The following ALDH18A1 variants were observed in gnomAD, a reference collection of about 807,000 sequenced individuals.
ALDH18A1 encodes delta-1-pyrroline-5-carboxylate synthase.
In ALDH18A1, 44 loss-of-function variants were observed where a neutral mutation model predicts 88.8. The observed-to-expected ratio is 0.50, with a 90% confidence interval of 0.39 to 0.64. The LOEUF is 0.64. Ranked by LOEUF, ALDH18A1 falls within the 30% of genes least tolerant of loss-of-function variation. ALDH18A1 has a pLI of 0.00. For synonymous variants in ALDH18A1, 331 were observed against 372.1 expected (o/e 0.89, Z 1.27); for missense variants, 782 against 1,009.5 (o/e 0.77, Z 3.05).
intron 5 of ALDH18A1, among the ~76,000 whole-genome samples, chr10:95,635,177 G>C (rs753870435): frequency 5.9e-5 from 9 of 152,128 alleles, no homozygotes; most frequent in African/African-American, 2.2e-4. Context: ...TTTTTGAAAG[G>C]GAAGATCATG....
At chr10:95,634,706 T>C (rs536306011) in intron 5 of ALDH18A1, among the ~76,000 whole-genome samples, 17 of 152,326 alleles carry the variant, frequency 1.1e-4, no homozygotes, top group African/African-American at 2.9e-4. Flanking sequence ...GGAGAGCTGG[T>C]GTGTGGGCTG....
chr10:95,644,133 A>T (rs925564944), intron 2 of ALDH18A1, among the ~76,000 whole-genome samples: 1 of 152,088 alleles, frequency 6.6e-6, no homozygotes, highest in African/African-American at 2.4e-5. Flanking sequence ...ACAGAGCAAG[A>T]CTCCTTCTCA....
At chr10:95,628,834 G>A in intron 7 of ALDH18A1, 1 of 341,846 alleles carries the variant, frequency 2.9e-6, no homozygotes, top group Non-Finnish European at 5.6e-6. Flanking sequence ...GTGCTTTAAG[G>A]ACAGAACTGA....
chr10:95,613,861 T>C lies in ALDH18A1; in HGVS notation c.1804A>G (p.Arg602Gly). ...GCTGGATATTCACATTTAGAGTCTC[T>C]GACTGAAAGAAGATGAGCAAAGAAT... ...ASVDKVTRLV[R>G]DSKCEYPAAC... The change falls in exon 15 of 18, where the codon AGA becomes GGA. Residue 602 changes from arginine to glycine, a missense_variant and splice_region_variant. By Grantham distance (125) the Arg-to-Gly change is moderately radical (BLOSUM62 -2). Around this residue, in one of 3 missense-constraint regions of ALDH18A1, gnomAD observed 556 missense variants for 654.5 expected, o/e 0.85. Coordinates refer to ENST00000371224, the MANE Select transcript of ALDH18A1 (RefSeq NM_002860.4). 6.2e-7 allele frequency: 1 copy of C among 1,614,170 alleles called. No individual in the cohort carries two copies. Among genetic ancestry groups the C allele is most frequent in the Non-Finnish European group, 8.5e-7 (1 of 1,180,018 alleles).
chr10:95,618,069 G>A (rs2097846810), intron 12 of ALDH18A1, among the ~76,000 whole-genome samples: 1 of 152,126 alleles, frequency 6.6e-6, no homozygotes, highest in Admixed American at 6.6e-5. Flanking sequence ...TAGTAAAGAG[G>A]TGCTAGTTTT....
chr10:95,654,960 T>C (rs74150979), intron 1 of ALDH18A1, among the ~76,000 whole-genome samples: 1,676 of 152,078 alleles, frequency 0.011, 30 homozygotes, highest in African/African-American at 0.039. Context: ...TATAATTCTA[T>C]AGGTTAGCTT....
At chr10:95,611,834 G>A (rs1267234038) in intron 15 of ALDH18A1, among the ~76,000 whole-genome samples, 2 of 152,086 alleles carry the variant, frequency 1.3e-5, no homozygotes, top group African/African-American at 2.4e-5. Flanking sequence ...GGGCATGGTG[G>A]CAGGTGCCTG....
chr10:95,650,360 T>C (rs1415094757), intron 2 of ALDH18A1, among the ~76,000 whole-genome samples: 1 of 152,164 alleles, frequency 6.6e-6, no homozygotes, highest in Non-Finnish European at 1.5e-5. Context: ...GGAAGTGCTA[T>C]GGTTTGGATA....
At chr10:95,633,375 A>C in intron 6 of ALDH18A1, 116 bp downstream of exon 6, 1 of 1,335,384 alleles carries the variant, frequency 7.5e-7, no homozygotes, top group Non-Finnish European at 1.0e-6. Context: ...CTCCATGACA[A>C]GTTTCTCTCA....
Position 95,611,342 on chromosome 10 carries a change from A to G in ALDH18A1, c.2024T>C (p.Ile675Thr), listed in dbSNP as rs989031241. 6 of 1,614,230 alleles carry G rather than the reference A, an allele frequency of 3.7e-6. No individual in the cohort carries two copies. The highest frequency in any genetic ancestry group is 1.7e-5 in the Admixed American group (1 of 60,026). The change falls in exon 16 of 18, where the codon ATT becomes ACT. Residue 675 changes from isoleucine (I) to threonine (T), a missense_variant. Physicochemically the swap from Ile to Thr is moderately conservative, Grantham distance 89. This residue lies in a region of ALDH18A1 where 556 missense variants were observed against 654.5 expected (regional missense o/e 0.85). Coordinates refer to ENST00000371224, the MANE Select transcript of ALDH18A1 (RefSeq NM_002860.4). ...ATCCTGAACGTTGTCCACTACTTCAATGCATAATTCCAGGTCCCCATACTC... is the reference window on the plus strand; with the variant it reads ...ATCCTGAACGTTGTCCACTACTTCAGTGCATAATTCCAGGTCCCCATACTC... The part of the protein sequence containing the change: ...RTEYGDLELC[I>T]EVVDNVQDAI...
Position 95,606,779 on chromosome 10 carries a change from G to A in ALDH18A1, c.2371C>T (p.Gln791Ter). The A allele has an allele frequency of 6.2e-7, 1 of 1,614,136 alleles. No homozygotes were observed. Among genetic ancestry groups the A allele is most frequent in the Non-Finnish European group, 8.5e-7 (1 of 1,180,014 alleles). ...GGCTCTTTTCAGTTGGTGTTTCTCT[G>A]AGGAATAGGGAGGTTCTCATGAAGA... ...KYLHENLPIP[Q>*]RNTN is the part of the protein sequence containing the mutation. The change falls in exon 18 of 18, where the codon CAG becomes TAG. Residue 791 changes from glutamine to a stop codon, truncating the protein, a stop_gained. Transcript: ENST00000371224. LOFTEE classifies it high-confidence loss of function.
chr10:95,614,107 G>A lies in ALDH18A1; in HGVS notation c.1660C>T (p.Leu554=). 6.2e-7 allele frequency: 1 copy of A among 1,614,164 alleles called. No individual in the cohort carries two copies. The highest frequency in any genetic ancestry group is 1.1e-5 in the South Asian group (1 of 91,074). Residue 554 remains leucine (L), a synonymous_variant, in exon 14 of 18, where the codon CTG becomes TTG. Transcript: ENST00000371224. ...DLCRLDKMID[L]IIPRGSSQLV... The stretch of plus-strand genomic sequence containing the variant: ...TGGGAAGAGCCACGTGGAATGATCA[G>A]ATCTATCATTTTGTCTAGGCGGCAA...
intron 17 of ALDH18A1, among the ~76,000 whole-genome samples, chr10:95,608,302 G>C (rs554686953): frequency 1.2e-3 from 184 of 152,306 alleles, no homozygotes; most frequent in Non-Finnish European, 2.4e-3. Context: ...TACATGGAGA[G>C]TATAAAGATC....
rs2097858872 is a variant in ALDH18A1 at position 95,625,387 on chromosome 10, G to T, written c.1221C>A (p.Asn407Lys). The change falls in exon 11 of 18, where the codon AAC becomes AAA. Residue 407 changes from asparagine to lysine, a missense_variant. Physicochemically the swap from Asn to Lys is moderately conservative, Grantham distance 94. Transcript: ENST00000371224. ...TDQRDEILLA[N>K]KKDLEEAEGR... ...CCTCTGCCTCCTCCAAGTCTTTTTT[G>T]TTGGCTAACAGGATCTCATCACGCT... is the stretch of plus-strand genomic sequence containing the variant. 2 of 1,613,668 alleles carry T rather than the reference G, an allele frequency of 1.2e-6. No individual in the cohort carries two copies. Among genetic ancestry groups the T allele is most frequent in the Non-Finnish European group, 1.7e-6 (2 of 1,179,922 alleles).
chr10:95,647,034 G>T (rs116186207), intron 2 of ALDH18A1, among the ~76,000 whole-genome samples: 1 of 151,952 alleles, frequency 6.6e-6, no homozygotes, highest in Non-Finnish European at 1.5e-5. Context: ...CTCCACAAGC[G>T]TTCTCATTTT....
intron 17 of ALDH18A1, among the ~76,000 whole-genome samples, chr10:95,609,092 C>T (rs1204257267): frequency 6.6e-6 from 1 of 152,134 alleles, no homozygotes; most frequent in Non-Finnish European, 1.5e-5. Context: ...TCACGCTGAT[C>T]TCCAACTCCC....
In ALDH18A1 at chr10:95,647,046, C is replaced by G. The variant is rs1475534113; in HGVS notation, c.89-3840G>C. On this transcript the variant is annotated intron_variant, in intron 2 of 17. Coordinates refer to ENST00000371224, the MANE Select transcript of ALDH18A1 (RefSeq NM_002860.4). Reference sequence around the variant, plus strand: ...TATCTCCACAAGCGTTCTCATTTTGCCTTTCTTTTCTTTTTTTTTCCCTCT... The same window carrying G: ...TATCTCCACAAGCGTTCTCATTTTGGCTTTCTTTTCTTTTTTTTTCCCTCT... 2.6e-5 allele frequency among the ~76,000 whole-genome samples: 4 copies of G among 152,276 alleles called. No homozygotes were observed. In the East Asian group the frequency reaches 7.7e-4, roughly 29 times the overall value.
At chr10:95,632,333 A>G (rs1175027542) in intron 7 of ALDH18A1, among the ~76,000 whole-genome samples, 2 of 152,186 alleles carry the variant, frequency 1.3e-5, no homozygotes, top group East Asian at 3.8e-4. Flanking sequence ...CAATTATGTG[A>G]ATATACTAAA....
At position 95,653,339 on chromosome 10, in the gene ALDH18A1, G is replaced by A; in HGVS notation, c.39C>T (p.Phe13=). ...SQVYRCGFQP[F]NQHLLPWVKC... ...TGACCCAGGGCAGAAGATGTTGGTT[G>A]AAGGGCTGGAACCCACAGCGGTAAA... The change falls in exon 2 of 18, where the codon TTC becomes TTT. Residue 13 remains phenylalanine, a synonymous_variant. Coordinates refer to ENST00000371224, the MANE Select transcript of ALDH18A1 (RefSeq NM_002860.4). 2 of 1,612,962 alleles carry A rather than the reference G, an allele frequency of 1.2e-6. No individual in the cohort carries two copies. Among genetic ancestry groups the A allele is most frequent in the Non-Finnish European group, 8.5e-7 (1 of 1,179,900 alleles).
Sources: allele counts gnomAD v4.1 joint callset (sites outside exome capture counted in the v4.1 genomes callset), GRCh38; gene constraint gnomAD v4.1.1; regional missense constraint gnomAD v4.1.1; transcripts MANE v1.5; gene names NCBI Gene and HGNC (gene_info 2026-07-23, HGNC 2026-07-21).